Variants in CCDC70 observed in about 807,000 individuals in gnomAD.
CCDC70 encodes coiled-coil domain containing 70.
In CCDC70, 4 loss-of-function variants were observed where a neutral mutation model predicts 9.1. The ratio of observed to expected loss-of-function variants is 0.44; its 90% CI spans 0.22 to 1.00. CCDC70 has a LOEUF of 1.00. Ranked by LOEUF, CCDC70 falls within the 50% of genes least tolerant of loss-of-function variation. CCDC70 has a pLI of 0.25. For synonymous variants in CCDC70, 119 were observed against 94.0 expected (o/e 1.27, Z -1.54); for missense variants, 308 against 271.3 (o/e 1.14, Z -0.95).
At chr13:51,863,591 T>C (rs1049767075) in intron 1 of CCDC70, among the ~76,000 whole-genome samples, 3 of 151,994 alleles carry the variant, frequency 2.0e-5, no homozygotes, top group African/African-American at 7.3e-5. Context: ...CCCCTGGTTC[T>C]GGTTTGTGTG....
chr13:51,862,744 G>C (rs1956391200), intron 1 of CCDC70, among the ~76,000 whole-genome samples: 1 of 152,190 alleles, frequency 6.6e-6, no homozygotes. Context: ...GATATCCAGG[G>C]AGAGGGGGCC....
chr13:51,865,376 C>G lies in CCDC70; in HGVS notation c.-36C>G. On this transcript the variant is annotated 5_prime_UTR_variant, in exon 2 of 2. Coordinates refer to ENST00000242819, the MANE Select transcript of CCDC70 (RefSeq NM_031290.4). ...GACCTGGCCAAGGGTCCTGTCATCC[C>G]TCATGGCCACCCCGCCATTCCGGCT... 11 of 1,582,630 alleles carry G rather than the reference C, an allele frequency of 7.0e-6. No individual in the cohort carries two copies. The highest frequency in any genetic ancestry group is 9.4e-6 in the Non-Finnish European group (11 of 1,164,658).
At chr13:51,863,345 C>T (rs1238672204) in intron 1 of CCDC70, among the ~76,000 whole-genome samples, 2 of 152,108 alleles carry the variant, frequency 1.3e-5, no homozygotes, top group South Asian at 2.1e-4. Context: ...TGTGATAGGA[C>T]GAGAGAGTGT....
In CCDC70 at chr13:51,865,389, C is replaced by T. The variant is rs760757110; in HGVS notation, c.-23C>T. ...GTCCTGTCATCCCTCATGGCCACCC[C>T]GCCATTCCGGCTGATAAGGAAGATG... On this transcript the variant is annotated 5_prime_UTR_variant, in exon 2 of 2. Coordinates refer to ENST00000242819, the MANE Select transcript of CCDC70 (RefSeq NM_031290.4). 6.9e-6 allele frequency: 11 copies of T among 1,593,558 alleles called. No homozygotes were observed. The highest frequency in any genetic ancestry group is 4.3e-6 in the Non-Finnish European group (5 of 1,169,560).
chr13:51,865,427 G>A lies in CCDC70; in HGVS notation c.16G>A (p.Val6Met). MFSFK[V>M]SRWMGLACFR... ...GATAAGGAAGATGTTTTCCTTCAAGGTGAGCAGATGGATGGGGCTTGCCTG... is the reference window on the plus strand; with the variant it reads ...GATAAGGAAGATGTTTTCCTTCAAGATGAGCAGATGGATGGGGCTTGCCTG... Residue 6 changes from valine (V) to methionine (M), a missense_variant, in exon 2 of 2, where the codon GTG (valine) becomes ATG (methionine). Transcript: ENST00000242819. 1 of 1,611,854 alleles carries A rather than the reference G, an allele frequency of 6.2e-7. No individual in the cohort carries two copies.
rs1956411465 is a variant in CCDC70, at chr13:51,865,324, C to T, written c.-80-8C>T. The T allele has an allele frequency of 1.4e-6, 2 of 1,434,516 alleles. No homozygotes were observed. The highest frequency in any genetic ancestry group is 1.4e-5 in the South Asian group (1 of 73,648). The allele number at this position is 1,434,516 out of a possible 1,614,324, so 88.9% of individuals were successfully genotyped here. ...CTCATAGATCTGTCTTTTCTGCTGC[C>T]CCCACAGGGTCTGACCAGCCGACCT... On this transcript the variant is annotated splice_polypyrimidine_tract_variant and splice_region_variant and intron_variant, in intron 1 of 1. Coordinates refer to ENST00000242819, the MANE Select transcript of CCDC70 (RefSeq NM_031290.4).
At position 51,865,617 on chromosome 13, in the gene CCDC70, G is replaced by T. The variant is rs775509113; in HGVS notation, c.206G>T (p.Arg69Leu). 3 of 1,614,058 alleles carry T rather than the reference G, an allele frequency of 1.9e-6. No individual in the cohort carries two copies. In the South Asian group the frequency reaches 3.3e-5, roughly 18 times the overall value. Residue 69 changes from arginine to leucine, a missense_variant, in exon 2 of 2, where the codon CGG becomes CTG. Physicochemically the swap from Arg to Leu is moderately radical, Grantham distance 102. Coordinates refer to ENST00000242819, the MANE Select transcript of CCDC70 (RefSeq NM_031290.4). The part of the protein sequence containing the change: ...WTFRGKIHAF[R>L]GQILGFWEEE... ...TTCCGAGGCAAGATCCATGCTTTCC[G>T]GGGCCAGATCCTGGGTTTTTGGGAA...
At chr13:51,863,678 C>CAG (rs1956398193) in intron 1 of CCDC70, among the ~76,000 whole-genome samples, 9 of 96,034 alleles carry the variant, frequency 9.4e-5, no homozygotes, top group East Asian at 2.8e-4. Flanking sequence ...CACAGACACA[C>CAG]ACACACACAC....
intron 1 of CCDC70, among the ~76,000 whole-genome samples, chr13:51,862,731 A>G (rs971932752): frequency 6.6e-6 from 1 of 152,156 alleles, no homozygotes; most frequent in Non-Finnish European, 1.5e-5. Flanking sequence ...GAGGTTGGGC[A>G]AGGATATCCA....
Position 51,865,818 on chromosome 13 carries a change from G to A in CCDC70, c.407G>A (p.Arg136Gln), listed in dbSNP as rs186758308. The A allele has an allele frequency of 1.3e-4, 206 of 1,614,210 alleles. No individual in the cohort carries two copies. The highest frequency in any genetic ancestry group is 2.5e-4 in the Admixed American group (15 of 60,020). Residue 136 changes from arginine (R) to glutamine (Q), a missense_variant, in exon 2 of 2, where the codon CGG becomes CAG. Physicochemically the swap from Arg to Gln is conservative, Grantham distance 43. Transcript: ENST00000242819. ...GACAATGCCTTATGGGAAAGAGACC[G>A]GAACCTTCTTCAGGAGGACAAGGCC... The part of the protein sequence containing the change: ...KEDNALWERD[R>Q]NLLQEDKALW...
chr13:51,865,649 A>C lies in CCDC70; in HGVS notation c.238A>C (p.Arg80=). 6.2e-7 allele frequency: 1 copy of C among 1,614,182 alleles called. No individual in the cohort carries two copies. Among genetic ancestry groups the C allele is most frequent in the Non-Finnish European group, 8.5e-7 (1 of 1,180,018 alleles). Residue 80 remains arginine, a synonymous_variant, in exon 2 of 2, where the codon AGA becomes CGA. Transcript: ENST00000242819. ...GATCCTGGGTTTTTGGGAAGAGGAG[A>C]GACCTTTCTGGGAAGAGGAGAAAAC... The part of the protein sequence containing the change: ...GQILGFWEEE[R]PFWEEEKTFW...
At position 51,865,535 on chromosome 13, in the gene CCDC70, G is replaced by A. The variant is rs769765935; in HGVS notation, c.124G>A (p.Glu42Lys). The A allele has an allele frequency of 2.3e-5, 37 of 1,614,098 alleles. No individual in the cohort carries two copies. Among genetic ancestry groups the A allele is most frequent in the South Asian group, 9.9e-5 (9 of 91,088 alleles). The change falls in exon 2 of 2, where the codon GAA becomes AAA. Residue 42 changes from glutamate to lysine, a missense_variant. Physicochemically the swap from Glu to Lys is moderately conservative, Grantham distance 56. Coordinates refer to ENST00000242819, the MANE Select transcript of CCDC70 (RefSeq NM_031290.4). ...GCTGCAGGAGGAAAAGGCTTTTCGC[G>A]AAGAGATGAAAATTTTTCGTGAAAA... ...HKLQEEKAFR[E>K]EMKIFREKIE...
Position 51,866,183 on chromosome 13 carries a change from C to A in CCDC70, c.*103C>A. 2.0e-6 allele frequency: 2 copies of A among 989,432 alleles called. No individual in the cohort carries two copies. The highest frequency in any genetic ancestry group is 2.9e-6 in the Non-Finnish European group (2 of 693,452). 61.3% of individuals were successfully genotyped at this position (989,432 alleles called of 1,614,324 possible). A position where few individuals can be genotyped will look rare whatever the true frequency, so the allele number is the denominator to read the frequency against. On this transcript the variant is annotated 3_prime_UTR_variant, in exon 2 of 2. Coordinates refer to ENST00000242819, the MANE Select transcript of CCDC70 (RefSeq NM_031290.4). Reference sequence around the variant, plus strand: ...GAGAAAATACACACTCATTGGTCTCCTTGCTTTGAAAGATCCAATAAAGTC... The same window carrying A: ...GAGAAAATACACACTCATTGGTCTCATTGCTTTGAAAGATCCAATAAAGTC...
chr13:51,865,881 GA>G lies in CCDC70; in HGVS notation c.471del (p.Ala158ProfsTer103). On this transcript the variant is annotated frameshift_variant, in exon 2 of 2. Coordinates refer to ENST00000242819, the MANE Select transcript of CCDC70 (RefSeq NM_031290.4). LOFTEE classifies it low-confidence loss of function (END_TRUNC). Reference protein sequence around the residue: ...EEEKALWVEERALLEGEKALW... With the variant: ...EEEKALWVEEXALLEGEKALW... ...GAAAAGGCCCTGTGGGTAGAGGAAA[GA>G]GCCCTCCTTGAGGGGGAGAAAGCCC... The G allele has an allele frequency of 1.2e-6, 2 of 1,613,516 alleles. No homozygotes were observed. Among genetic ancestry groups the G allele is most frequent in the Non-Finnish European group, 1.7e-6 (2 of 1,179,852 alleles).
Position 51,866,140 on chromosome 13 carries a change from G to A in CCDC70, c.*60G>A, listed in dbSNP as rs1298359280. 2.8e-5 allele frequency: 38 copies of A among 1,380,912 alleles called. No individual in the cohort carries two copies. The highest frequency in any genetic ancestry group is 3.6e-5 in the Non-Finnish European group (37 of 1,022,006). 85.5% of individuals were successfully genotyped at this position (1,380,912 alleles called of 1,614,324 possible). A position where few individuals can be genotyped will look rare whatever the true frequency, so the allele number is the denominator to read the frequency against. On this transcript the variant is annotated 3_prime_UTR_variant, in exon 2 of 2. Coordinates refer to ENST00000242819, the MANE Select transcript of CCDC70 (RefSeq NM_031290.4). ...TCCCCTGGGTTGGGATTCAAGTCCAGGGTGAGCCCATGTGCTGGAGAAAAT... is the reference window on the plus strand; with the variant it reads ...TCCCCTGGGTTGGGATTCAAGTCCAAGGTGAGCCCATGTGCTGGAGAAAAT...
At chr13:51,863,609 G>A (rs1956396878) in intron 1 of CCDC70, among the ~76,000 whole-genome samples, 1 of 151,746 alleles carries the variant, frequency 6.6e-6, no homozygotes, top group African/African-American at 2.4e-5. Context: ...GTGACTGGAT[G>A]GATGGTGATG....
intron 1 of CCDC70, among the ~76,000 whole-genome samples, chr13:51,864,512 C>A (rs1956405297): frequency 6.6e-6 from 1 of 152,352 alleles, no homozygotes; most frequent in Admixed American, 6.5e-5. Flanking sequence ...TCTCTTTCAG[C>A]ATTGGGTTTA....
At chr13:51,863,842 C>T (rs753027682) in intron 1 of CCDC70, among the ~76,000 whole-genome samples, 39 of 152,140 alleles carry the variant, frequency 2.6e-4, no homozygotes, top group Admixed American at 6.5e-4. Context: ...GAGTGAGGGC[C>T]GGACCCTGGC....
At chr13:51,862,757 C>T (rs1956391299) in intron 1 of CCDC70, among the ~76,000 whole-genome samples, 1 of 152,134 alleles carries the variant, frequency 6.6e-6, no homozygotes, top group Admixed American at 6.5e-5. Context: ...AGGGGGCCAG[C>T]ATGACATGGA....
Sources: allele counts gnomAD v4.1 joint callset (sites outside exome capture counted in the v4.1 genomes callset), GRCh38; gene constraint gnomAD v4.1.1; transcripts MANE v1.5; gene names NCBI Gene and HGNC (gene_info 2026-07-23, HGNC 2026-07-21).